Variants in MARCO observed in about 807,000 individuals in gnomAD.
MARCO encodes macrophage receptor with collagenous structure, also known as macrophage receptor MARCO.
Under a neutral mutation model 70.0 loss-of-function variants are expected in MARCO, and 72 were observed. The ratio of observed to expected loss-of-function variants is 1.03; its 90% CI spans 0.85 to 1.25. MARCO has a LOEUF of 1.25. MARCO is among the 50% of genes most tolerant of loss of function. The pLI is 0.00. For synonymous variants in MARCO, 273 were observed against 243.1 expected, an observed-to-expected ratio of 1.12 and a Z score of -1.14; for missense variants, 696 against 659.3, an observed-to-expected ratio of 1.06 and a Z score of -0.61.
At chr2:118,965,561 GTCTCC>G (rs1398424061) in intron 1 of MARCO, among the ~76,000 whole-genome samples, 4 of 152,156 alleles carry the variant, frequency 2.6e-5, no homozygotes, top group Admixed American at 6.5e-5. Context: ...TCTCTTGATT[GTCTCC>G]TCTCATCTGA....
chr2:118,990,754 AG>A, intron 13 of MARCO, 121 bp downstream of exon 13: 5 of 949,946 alleles, frequency 5.3e-6, no homozygotes, highest in Non-Finnish European at 8.3e-6. Context: ...GTGGAGGTTA[AG>A]ACTCCAGGGC....
chr2:118,979,688 G>T (rs1680353335), intron 8 of MARCO, among the ~76,000 whole-genome samples: 1 of 152,168 alleles, frequency 6.6e-6, no homozygotes, highest in South Asian at 2.1e-4. Context: ...AAAGGCAGCA[G>T]TTTGAGTTCT....
At chr2:118,981,891 G>A (rs1558669733) in intron 10 of MARCO, among the ~76,000 whole-genome samples, 1 of 152,188 alleles carries the variant, frequency 6.6e-6, no homozygotes, top group Non-Finnish European at 1.5e-5. Context: ...AGGGGGTGGA[G>A]TTGGACAGTC....
At position 118,994,566 on chromosome 2, in the gene MARCO, C is replaced by T. The variant is rs752077341; in HGVS notation, c.*46C>T. The T allele has an allele frequency of 2.6e-6, 4 of 1,521,938 alleles. No homozygotes were observed. Among genetic ancestry groups the T allele is most frequent in the East Asian group, 2.3e-5 (1 of 43,926 alleles). 94.3% of individuals were successfully genotyped at this position (1,521,938 alleles called of 1,614,324 possible). On this transcript the variant is annotated 3_prime_UTR_variant, in exon 17 of 17. Transcript: ENST00000327097. ...TCTGCTCCCGAGGTGTCCTCGGGCT[C>T]ATATGTGGGAAGGCAGAGGATCTCT...
At chr2:118,971,561 C>A (rs1196797297) in intron 4 of MARCO, 27 bp downstream of exon 4, 4 of 1,612,586 alleles carry the variant, frequency 2.5e-6, no homozygotes, top group Admixed American at 1.7e-5. Flanking sequence ...TCACACCCAC[C>A]CTGCTCTTTC....
chr2:118,984,802 T>C (rs2104601363), intron 12 of MARCO, among the ~76,000 whole-genome samples: 1 of 152,338 alleles, frequency 6.6e-6, no homozygotes, highest in Non-Finnish European at 1.5e-5. Context: ...TACTTGTCAA[T>C]GTCAGGATGT....
In MARCO at chr2:118,958,343, C is replaced by T. The variant is rs186721184; in HGVS notation, c.98-10817C>T. Reference sequence around the variant, plus strand: ...TAATGTATGCAAATCAATAGCTCTTCCTTACACCAACAGTGACCAATCAGA... The same window carrying T: ...TAATGTATGCAAATCAATAGCTCTTTCTTACACCAACAGTGACCAATCAGA... On this transcript the variant is annotated intron_variant, in intron 1 of 16. Transcript: ENST00000327097. Among the ~76,000 whole-genome samples the T allele has an allele frequency of 3.7e-3, 557 of 151,916 alleles. 4 individuals carry two copies. Among genetic ancestry groups the T allele is most frequent in the African/African-American group, 0.013 (528 of 41,458 alleles).
chr2:118,966,390 A>G (rs888107340), intron 1 of MARCO, among the ~76,000 whole-genome samples: 3 of 152,188 alleles, frequency 2.0e-5, no homozygotes, highest in Non-Finnish European at 4.4e-5. Context: ...GATCCAGAAT[A>G]GGTGTTTTCT....
intron 1 of MARCO, 67 bp from the exon 2 acceptor site, chr2:118,969,093 G>C: frequency 8.7e-7 from 1 of 1,146,702 alleles, no homozygotes; most frequent in African/African-American, 1.5e-5. Context: ...GTAGGGCCTG[G>C]AGCAGGCAGG....
chr2:118,978,534 T>C (rs1014146792), intron 8 of MARCO, among the ~76,000 whole-genome samples: 4 of 152,204 alleles, frequency 2.6e-5, no homozygotes, highest in African/African-American at 9.6e-5. Context: ...CTCAGCCTCC[T>C]GCAGTCATTG....
intron 1 of MARCO, among the ~76,000 whole-genome samples, chr2:118,959,238 A>T (rs1679895431): frequency 6.6e-6 from 1 of 152,220 alleles, no homozygotes; most frequent in Non-Finnish European, 1.5e-5. Flanking sequence ...AAATCTATAC[A>T]TCGGACAAAG....
In MARCO at chr2:118,994,587, T is replaced by A; in HGVS notation, c.*67T>A. ...GGCTCATATGTGGGAAGGCAGAGGA[T>A]CTCTGAGGAGTTCCCTGGGGACAAC... On this transcript the variant is annotated 3_prime_UTR_variant, in exon 17 of 17. Coordinates refer to ENST00000327097, the MANE Select transcript of MARCO (RefSeq NM_006770.4). 3 of 1,476,468 alleles carry A rather than the reference T, an allele frequency of 2.0e-6. No individual in the cohort carries two copies. The highest frequency in any genetic ancestry group is 1.8e-6 in the Non-Finnish European group (2 of 1,104,696). 91.5% of individuals were successfully genotyped at this position (1,476,468 alleles called of 1,614,324 possible).
At chr2:118,947,124 G>A (rs34578061) in intron 1 of MARCO, among the ~76,000 whole-genome samples, 6 of 152,098 alleles carry the variant, frequency 3.9e-5, no homozygotes, top group African/African-American at 1.4e-4. Flanking sequence ...GCATTGTTAT[G>A]TTCATATCAG....
At chr2:118,991,442 A>C (rs542550335) in intron 13 of MARCO, among the ~76,000 whole-genome samples, 2 of 152,046 alleles carry the variant, frequency 1.3e-5, no homozygotes, top group African/African-American at 4.8e-5. Flanking sequence ...TACTATTTCA[A>C]TTCACTAAAG....
intron 12 of MARCO, among the ~76,000 whole-genome samples, chr2:118,987,698 C>T (rs1680542981): frequency 6.6e-6 from 1 of 152,218 alleles, no homozygotes; most frequent in Non-Finnish European, 1.5e-5. Flanking sequence ...GCAGCATTAG[C>T]ATCACCTGGG....
chr2:118,981,883 G>C (rs1398652744), intron 10 of MARCO, among the ~76,000 whole-genome samples: 3 of 152,176 alleles, frequency 2.0e-5, no homozygotes, highest in Non-Finnish European at 2.9e-5. Flanking sequence ...TGCCACCCAG[G>C]GGGTGGAGTT....
At chr2:118,979,197 T>C (rs892217067) in intron 8 of MARCO, among the ~76,000 whole-genome samples, 1 of 152,140 alleles carries the variant, frequency 6.6e-6, no homozygotes, top group Non-Finnish European at 1.5e-5. Flanking sequence ...AGGGCATTTG[T>C]GGGAAAGAAA....
intron 1 of MARCO, among the ~76,000 whole-genome samples, chr2:118,964,387 C>A (rs1680004484): frequency 6.6e-6 from 1 of 152,182 alleles, no homozygotes; most frequent in South Asian, 2.1e-4. Context: ...CTCCTCTAGT[C>A]ATTCTTTAAA....
intron 1 of MARCO, among the ~76,000 whole-genome samples, chr2:118,953,147 C>G (rs1679757337): frequency 6.6e-6 from 1 of 152,166 alleles, no homozygotes; most frequent in Admixed American, 6.5e-5. Context: ...CAGGGAAGAG[C>G]AAAGAAGTTG....
Sources: gnomAD v4.1 joint callset for allele counts (sites outside exome capture counted in the v4.1 genomes callset) on GRCh38, gnomAD v4.1.1 for gene constraint, MANE v1.5 for transcripts, NCBI Gene and HGNC (gene_info 2026-07-23, HGNC 2026-07-21) for gene names.